The following KLHL35 variants were observed in gnomAD, a reference collection of about 807,000 sequenced individuals.
KLHL35 encodes kelch like family member 35, also known as kelch-like protein 35.
KLHL35 carries 50 observed loss-of-function variants against 44.0 expected under a neutral mutation model. The ratio of observed to expected loss-of-function variants is 1.14; its 90% CI spans 0.91 to 1.44. KLHL35 has a LOEUF of 1.44. Among genes scored for constraint, KLHL35 ranks in the 40% most tolerant of loss-of-function variants. The probability of loss-of-function intolerance (pLI) is 0.00; values close to 1 mark genes in which losing one functional copy is unlikely to be tolerated. For missense variants in KLHL35, 1,049 were observed against 887.8 expected (o/e 1.18, Z -2.31); for synonymous variants, 470 against 410.4 (o/e 1.15, Z -1.76).
At chr11:75,422,818 T>G in intron 6 of KLHL35, 50 bp from the exon 7 acceptor site, 1 of 1,555,696 alleles carries the variant, frequency 6.4e-7, no homozygotes, top group East Asian at 2.3e-5. Context: ...TGGGGCTTCC[T>G]CTGTCCCTGC....
rs1371990960 is a variant in KLHL35 at position 75,430,231 on chromosome 11, C to G, written c.399G>C (p.Leu133=). ...AAAVLALAER[L]GVAGLREACV... ...AGGCCTCGCGCAGGCCCGCCACGCC[C>G]AGCCGCTCCGCCAGCGCCAGCACGG... The change falls in exon 2 of 7, where the codon CTG becomes CTC. Residue 133 remains leucine, a synonymous_variant. Transcript: ENST00000539798. 1.5e-4 allele frequency: 188 copies of G among 1,219,780 alleles called. No individual in the cohort carries two copies. Among genetic ancestry groups the G allele is most frequent in the Non-Finnish European group, 1.9e-4 (183 of 976,864 alleles). 75.6% of individuals were successfully genotyped at this position (1,219,780 alleles called of 1,614,324 possible).
At position 75,429,856 on chromosome 11, in the gene KLHL35, C is replaced by T; in HGVS notation, c.774G>A (p.Ala258=). ...CGCCGCAGGCCTGCAGCAGCTCGTC[C>T]GCCTCCACCTTCTCCAGGAAGTAAG... ...APAYFLEKVE[A]DELLQACGEC... The change falls in exon 2 of 7, where the codon GCG becomes GCA. Residue 258 remains alanine (A), a synonymous_variant. Transcript: ENST00000539798. The T allele has an allele frequency of 6.6e-7, 1 of 1,516,950 alleles. No individual in the cohort carries two copies. The highest frequency in any genetic ancestry group is 8.8e-7 in the Non-Finnish European group (1 of 1,141,670). 94.0% of individuals were successfully genotyped at this position (1,516,950 alleles called of 1,614,324 possible). A position where few individuals can be genotyped will look rare whatever the true frequency, so the allele number is the denominator to read the frequency against.
At position 75,430,349 on chromosome 11, in the gene KLHL35, G is replaced by C; in HGVS notation, c.281C>G (p.Thr94Arg). The C allele has an allele frequency of 7.6e-7, 1 of 1,312,660 alleles. No homozygotes were observed. Among genetic ancestry groups the C allele is most frequent in the African/African-American group, 1.6e-5 (1 of 63,806 alleles). The allele number at this position is 1,312,660 out of a possible 1,614,324, so 81.3% of individuals were successfully genotyped here. The change falls in exon 2 of 7, where the codon ACG becomes AGG. Residue 94 changes from threonine (T) to arginine (R), a missense_variant. Thr to Arg is a moderately conservative substitution (Grantham distance 71). Coordinates refer to ENST00000539798, the MANE Select transcript of KLHL35 (RefSeq NM_001039548.3). ...VVPVAPEAPG[T>R]SPAGAAAALA... is the part of the protein sequence containing the mutation. ...CGCCGCCGCCGCCCCGGCCGGGCTC[G>C]TGCCTGGCGCCTCGGGAGCTACTGG...
At chr11:75,425,047 T>G (rs1403445360) in intron 5 of KLHL35, 3 of 242,572 alleles carry the variant, frequency 1.2e-5, no homozygotes, top group Non-Finnish European at 2.3e-5. Context: ...ATGGGTTTTT[T>G]TTTTTTCTAT....
chr11:75,432,990 G>A (rs919600881), intron 1 of KLHL35, among the ~76,000 whole-genome samples, 53 bp downstream of exon 1: 3 of 152,098 alleles, frequency 2.0e-5, no homozygotes, highest in African/African-American at 7.2e-5. Flanking sequence ...CGGACACCAC[G>A]CAGCCGGGTC....
rs750330532 is a variant in KLHL35, at chr11:75,428,637, G to A, written c.882-11C>T. Reference sequence around the variant, plus strand: ...GCTAGGTCCATGAATCTGGCGTGCGGATAAGCCCAGTGCCTGTTGGGCCGC... The same window carrying A: ...GCTAGGTCCATGAATCTGGCGTGCGAATAAGCCCAGTGCCTGTTGGGCCGC... On this transcript the variant is annotated splice_polypyrimidine_tract_variant and intron_variant, in intron 2 of 6. Coordinates refer to ENST00000539798, the MANE Select transcript of KLHL35 (RefSeq NM_001039548.3). The A allele has an allele frequency of 8.3e-6, 13 of 1,568,186 alleles. No individual in the cohort carries two copies. In the Admixed American group the frequency reaches 1.1e-4, roughly 13 times the overall value.
At position 75,423,798 on chromosome 11, in the gene KLHL35, G is replaced by T; in HGVS notation, c.1457C>A (p.Ser486Tyr). 6.2e-7 allele frequency: 1 copy of T among 1,613,678 alleles called. No homozygotes were observed. Among genetic ancestry groups the T allele is most frequent in the Non-Finnish European group, 8.5e-7 (1 of 1,179,660 alleles). The stretch of plus-strand genomic sequence containing the variant: ...CATGACATAGATGGTGTCCTCAAGG[G>T]AGACAGCCTCGAGACACCGCTGTGA... ...PFSQRCLEAV[S>Y]LEDTIYVMGG... Residue 486 changes from serine to tyrosine, a missense_variant, in exon 6 of 7, where the codon TCC (serine) becomes TAC (tyrosine). Transcript: ENST00000539798.
At position 75,429,757 on chromosome 11, in the gene KLHL35, C is replaced by A; in HGVS notation, c.873G>T (p.Arg291=). The part of the protein sequence containing the change: ...LGREAGALRT[R]PRRFMDLAEV... ...GGGGATGGCGGCCCTACCTCCGCGG[C>A]CGGGTCCGCAGCGCACCGGCCTCGC... The change falls in exon 2 of 7, where the codon CGG becomes CGT. Residue 291 remains arginine (R), a synonymous_variant. Transcript: ENST00000539798. 2 of 1,468,838 alleles carry A rather than the reference C, an allele frequency of 1.4e-6. No individual in the cohort carries two copies. Among genetic ancestry groups the A allele is most frequent in the Non-Finnish European group, 1.8e-6 (2 of 1,116,546 alleles). The allele number at this position is 1,468,838 out of a possible 1,614,324, so 91.0% of individuals were successfully genotyped here.
Position 75,422,473 on chromosome 11 carries a change from A to T in KLHL35, c.*107T>A, listed in dbSNP as rs1948455991. Reference sequence around the variant, plus strand: ...AGATTTTATTTATACAAGAAAAGGGACCATTAAGTTAAGGGCTGTTTGCGT... The same window carrying T: ...AGATTTTATTTATACAAGAAAAGGGTCCATTAAGTTAAGGGCTGTTTGCGT... On this transcript the variant is annotated 3_prime_UTR_variant, in exon 7 of 7. Transcript: ENST00000539798. 3 of 957,096 alleles carry T rather than the reference A, an allele frequency of 3.1e-6. No homozygotes were observed. In the East Asian group the frequency reaches 7.7e-5, roughly 24 times the overall value. 59.3% of individuals were successfully genotyped at this position (957,096 alleles called of 1,614,324 possible). A position where few individuals can be genotyped will look rare whatever the true frequency, so the allele number is the denominator to read the frequency against.
At chr11:75,427,537 T>C (rs1197995760) in intron 3 of KLHL35, among the ~76,000 whole-genome samples, 2 of 152,208 alleles carry the variant, frequency 1.3e-5, no homozygotes, top group East Asian at 1.9e-4. Flanking sequence ...CTTGGATAAA[T>C]TGTCCAGTGG....
rs377227641 is a variant in KLHL35, at chr11:75,423,880, C to T, written c.1375G>A (p.Val459Met). The change falls in exon 6 of 7, where the codon GTG becomes ATG. Residue 459 changes from valine (V) to methionine (M), a missense_variant and splice_region_variant. Transcript: ENST00000539798. ...ARQGGVNTDK[V>M]QCFDPKEDRW... ...TCCTCCTTGGGGTCAAAGCACTGCA[C>T]CTGAGGGGCAAGAGCAGCAGTGGTG... 1.9e-5 allele frequency: 31 copies of T among 1,610,746 alleles called. No homozygotes were observed. The South Asian group carries it at 3.1e-4, about 16-fold the overall frequency.
chr11:75,423,952 C>A, intron 5 of KLHL35, 72 bp from the exon 6 acceptor site: 1 of 1,198,174 alleles, frequency 8.3e-7, no homozygotes, highest in Non-Finnish European at 1.2e-6. Context: ...CCACATGCTG[C>A]CACCTCTCCC....
intron 4 of KLHL35, 171 bp downstream of exon 4, chr11:75,426,349 A>C: frequency 3.7e-6 from 2 of 540,900 alleles, no homozygotes; most frequent in Non-Finnish European, 6.7e-6. Context: ...CTATTACAGT[A>C]ATTGCTATTA....
chr11:75,430,104 G>A lies in KLHL35; in HGVS notation c.526C>T (p.Arg176Cys), dbSNP rs1183343659. The change falls in exon 2 of 7, where the codon CGC becomes TGC. Residue 176 changes from arginine to cysteine, a missense_variant. Physicochemically the swap from Arg to Cys is radical, Grantham distance 180 (BLOSUM62 -3). Coordinates refer to ENST00000539798, the MANE Select transcript of KLHL35 (RefSeq NM_001039548.3). ...TCGGCGAAGGCCTGACGCAGGACGC[G>A]GCCGCAGCGCTCGGCCAGCGGGGCC... Reference protein sequence around the residue: ...SLAPLAERCGRVLRQAFAEVA... With the variant: ...SLAPLAERCGCVLRQAFAEVA... 2 of 1,306,546 alleles carry A rather than the reference G, an allele frequency of 1.5e-6. No individual in the cohort carries two copies. The highest frequency in any genetic ancestry group is 1.9e-6 in the Non-Finnish European group (2 of 1,031,980). The allele number at this position is 1,306,546 out of a possible 1,614,324, so 80.9% of individuals were successfully genotyped here. A position where few individuals can be genotyped will look rare whatever the true frequency, so the allele number is the denominator to read the frequency against.
At chr11:75,428,246 A>T (rs1012108748) in intron 3 of KLHL35, among the ~76,000 whole-genome samples, 196 bp downstream of exon 3, 2 of 152,244 alleles carry the variant, frequency 1.3e-5, no homozygotes, top group Non-Finnish European at 2.9e-5. Context: ...AAAAGTAATC[A>T]TATGTATTGA....
chr11:75,426,570 A>C lies in KLHL35; in HGVS notation c.1135T>G (p.Ser379Ala), dbSNP rs760309132. Residue 379 changes from serine to alanine, a missense_variant, in exon 4 of 7, where the codon TCT becomes GCT. Coordinates refer to ENST00000539798, the MANE Select transcript of KLHL35 (RefSeq NM_001039548.3). Reference sequence around the variant, plus strand: ...TGCCTCCACCTGCCCTTGTGCAGAGAGGCTACCTTGATCCAGGTGTGCAGA... The same window carrying C: ...TGCCTCCACCTGCCCTTGTGCAGAGCGGCTACCTTGATCCAGGTGTGCAGA... The part of the protein sequence containing the change: ...SHLHTWIKVA[S>A]LHKGRWRHKM... 10 of 1,606,956 alleles carry C rather than the reference A, an allele frequency of 6.2e-6. No individual in the cohort carries two copies. The highest frequency in any genetic ancestry group is 1.3e-5 in the African/African-American group (1 of 74,802).
intron 4 of KLHL35, chr11:75,425,794 C>A (rs915408946): frequency 2.3e-6 from 1 of 435,980 alleles, no homozygotes. Flanking sequence ...TCTCATTTAG[C>A]GGGGATGAGA....
chr11:75,430,330 C>A lies in KLHL35; in HGVS notation c.300G>T (p.Ala100=). 2 of 1,275,028 alleles carry A rather than the reference C, an allele frequency of 1.6e-6. No homozygotes were observed. The highest frequency in any genetic ancestry group is 4.3e-5 in the South Asian group (2 of 46,122). 79.0% of individuals were successfully genotyped at this position (1,275,028 alleles called of 1,614,324 possible). Reference sequence around the variant, plus strand: ...AGTCGAGCACCACGGCCAGCGCCGCCGCCGCCCCGGCCGGGCTCGTGCCTG... The same window carrying A: ...AGTCGAGCACCACGGCCAGCGCCGCAGCCGCCCCGGCCGGGCTCGTGCCTG... ...EAPGTSPAGA[A]AALAVVLDYV... Residue 100 remains alanine, a synonymous_variant, in exon 2 of 7, where the codon GCG becomes GCT. Transcript: ENST00000539798.
In KLHL35 at chr11:75,432,336, C is replaced by G. The variant is rs547676578; in HGVS notation, c.-2+707G>C. Among the ~76,000 whole-genome samples the G allele has an allele frequency of 4.6e-5, 7 of 152,176 alleles. No individual in the cohort carries two copies. In the South Asian group the frequency reaches 1.5e-3, roughly 32 times the overall value. On this transcript the variant is annotated intron_variant, in intron 1 of 6. Transcript: ENST00000539798. The stretch of plus-strand genomic sequence containing the variant: ...CATGAGAGATGAGCTCCCTGGTGGG[C>G]AAGAAAGTTAACTACTTTTGCCCAA...
Sources: allele counts gnomAD v4.1 joint callset (sites outside exome capture counted in the v4.1 genomes callset), GRCh38; gene constraint gnomAD v4.1.1; transcripts MANE v1.5; gene names NCBI Gene and HGNC (gene_info 2026-07-23, HGNC 2026-07-21).